SHANK2: variants seen among roughly 807,000 people sequenced by gnomAD.
SHANK2 encodes SH3 and multiple ankyrin repeat domains protein 2.
Under a neutral mutation model 133.7 loss-of-function variants are expected in SHANK2, and 43 were observed. The ratio of observed to expected loss-of-function variants is 0.32; its 90% CI spans 0.25 to 0.41. The LOEUF (loss-of-function observed/expected upper bound fraction) is 0.41, where lower values mean the gene tolerates loss of function less well. SHANK2 is among the 10% of genes least tolerant of loss of function. SHANK2 has a pLI of 1.00. For synonymous variants in SHANK2, 1,017 were observed against 952.8 expected, an observed-to-expected ratio of 1.07 and a Z score of -1.24; for missense variants, 1,994 against 2,235.8, an observed-to-expected ratio of 0.89 and a Z score of 2.18.
chr11:71,210,210 G>GTGTATATATATGTGTA (rs1491563939), intron 2 of SHANK2, among the ~76,000 whole-genome samples: 2 of 54,074 alleles, frequency 3.7e-5, no homozygotes, highest in Non-Finnish European at 6.4e-5. Context: ...AAATCCACAG[G>GTGTATATATATGTGTA]TATATATATA....
chr11:70,659,050 T>C (rs2061447300), intron 17 of SHANK2, among the ~76,000 whole-genome samples: 2 of 152,194 alleles, frequency 1.3e-5, no homozygotes, highest in South Asian at 4.1e-4. Flanking sequence ...GAGTCACATG[T>C]TCCTTTGCAT....
chr11:70,640,710 TCTCCCATTCTCTAGAACAGTCCCTCAAGG>T lies in SHANK2; in HGVS notation c.2061+19089_2061+19117del, dbSNP rs1265031727. 2.0e-5 allele frequency among the ~76,000 whole-genome samples: 3 copies of T among 152,314 alleles called. No homozygotes were observed. In the East Asian group the frequency reaches 5.8e-4, roughly 29 times the overall value. ...CATGCCCAGTCAGGATCCCTCCCTG[TCTCCCATTCTCTAGAACAGTCCCTCAAGG>T]CTGGGCTCTGGAATCCTCTGTAAGT... On this transcript the variant is annotated intron_variant, in intron 17 of 25. Transcript: ENST00000601538.
At chr11:70,666,541 G>A (rs1420949777) in intron 15 of SHANK2, among the ~76,000 whole-genome samples, 3 of 152,166 alleles carry the variant, frequency 2.0e-5, no homozygotes, top group African/African-American at 2.4e-5. Context: ...TCTGTGTGCT[G>A]CCCTAGAACT....
At position 70,898,155 on chromosome 11, in the gene SHANK2, A is replaced by G. The variant is rs149848313; in HGVS notation, c.1108-1588T>C. ...TTAAAAAAAAATTTTTTTTTTTGGT[A>G]GAGACAGGGTTTCACCATGTTGGCC... On this transcript the variant is annotated intron_variant, in intron 10 of 25. Transcript: ENST00000601538. 2.4e-3 allele frequency among the ~76,000 whole-genome samples: 366 copies of G among 151,086 alleles called. 1 individual carries two copies. The East Asian group carries it at 0.043, about 18-fold the overall frequency.
chr11:70,723,525 A>T (rs4980549), intron 14 of SHANK2, among the ~76,000 whole-genome samples: 65,981 of 152,002 alleles, frequency 0.43, 14,509 homozygotes, highest in African/African-American at 0.48. Flanking sequence ...GAACCTCCAG[A>T]TGAGAATGCA....
intron 17 of SHANK2, among the ~76,000 whole-genome samples, chr11:70,611,728 G>A (rs963845552): frequency 7.2e-5 from 11 of 152,188 alleles, no homozygotes; most frequent in Non-Finnish European, 1.5e-4. Flanking sequence ...TGGAGGTGTC[G>A]TCTGAGACTC....
intron 11 of SHANK2, among the ~76,000 whole-genome samples, chr11:70,857,227 C>T (rs1312815382): frequency 2.6e-5 from 4 of 152,128 alleles, no homozygotes; most frequent in Non-Finnish European, 4.4e-5. Flanking sequence ...GACAAGTAAG[C>T]GGGCCTCAGC....
intron 14 of SHANK2, among the ~76,000 whole-genome samples, chr11:70,700,096 T>A (rs1945485620): frequency 6.6e-6 from 1 of 152,122 alleles, no homozygotes; most frequent in Non-Finnish European, 1.5e-5. Context: ...CAGCCTCGGA[T>A]TAATTTGACA....
intron 2 of SHANK2, among the ~76,000 whole-genome samples, chr11:71,189,018 A>G (rs1555114929): frequency 6.6e-6 from 1 of 152,192 alleles, no homozygotes; most frequent in Admixed American, 6.5e-5. Context: ...GGTCACAGCA[A>G]CCACAGACGG....
chr11:70,875,924 A>G (rs959227493), intron 11 of SHANK2, among the ~76,000 whole-genome samples: 8 of 151,562 alleles, frequency 5.3e-5, no homozygotes, highest in African/African-American at 1.9e-4. Flanking sequence ...TGGGAGCCCG[A>G]GGTGGGCAGA....
chr11:70,646,006 G>A (rs113369952), intron 17 of SHANK2, among the ~76,000 whole-genome samples: 4,264 of 152,278 alleles, frequency 0.028, 97 homozygotes, highest in Non-Finnish European at 0.04. Context: ...ACTGCTGAGC[G>A]TGGAAGGGGA....
chr11:70,598,774 T>C (rs144964868), intron 17 of SHANK2, among the ~76,000 whole-genome samples: 29 of 152,318 alleles, frequency 1.9e-4, no homozygotes, highest in Non-Finnish European at 3.7e-4. Context: ...GAAACATCAA[T>C]TAATACAATT....
intron 14 of SHANK2, among the ~76,000 whole-genome samples, chr11:70,716,877 A>G (rs1555027397): frequency 6.9e-6 from 1 of 144,132 alleles, no homozygotes; most frequent in South Asian, 2.2e-4. Flanking sequence ...CTCACATCTC[A>G]CTGGACCGGG....
At chr11:70,938,269 C>A (rs769979253) in intron 10 of SHANK2, among the ~76,000 whole-genome samples, 3 of 152,118 alleles carry the variant, frequency 2.0e-5, no homozygotes, top group Non-Finnish European at 4.4e-5. Flanking sequence ...CTGGGCACAA[C>A]TTTAACCCCT....
chr11:70,784,343 G>GT (rs71049942), intron 14 of SHANK2, among the ~76,000 whole-genome samples: 18,256 of 42,392 alleles, frequency 0.43, 7,107 homozygotes, highest in Non-Finnish European at 0.62. Flanking sequence ...ACACCGGCTA[G>GT]TTTTTTTTTT....
intron 5 of SHANK2, among the ~76,000 whole-genome samples, chr11:71,110,975 C>T (rs1227611372): frequency 1.3e-5 from 2 of 152,222 alleles, no homozygotes; most frequent in African/African-American, 4.8e-5. Context: ...AGCTCCCTCG[C>T]CCCTTCCTCC....
chr11:70,540,519 A>G (rs2059606837), intron 17 of SHANK2, among the ~76,000 whole-genome samples: 1 of 151,430 alleles, frequency 6.6e-6, no homozygotes, highest in African/African-American at 2.4e-5. Context: ...CCTGACACAC[A>G]CACGATACCC....
chr11:70,617,367 G>A (rs562453101), intron 17 of SHANK2, among the ~76,000 whole-genome samples: 2 of 152,236 alleles, frequency 1.3e-5, no homozygotes, highest in East Asian at 1.9e-4. Flanking sequence ...CTTTAAAAAT[G>A]TAAAAATCTT....
chr11:70,702,822 G>A (rs890748380), intron 14 of SHANK2, among the ~76,000 whole-genome samples: 1 of 152,218 alleles, frequency 6.6e-6, no homozygotes, highest in Admixed American at 6.5e-5. Flanking sequence ...CCAAGGCCAG[G>A]CTGGCTCGAT....
Sources: gnomAD v4.1 joint callset for allele counts (sites outside exome capture counted in the v4.1 genomes callset) on GRCh38, gnomAD v4.1.1 for gene constraint, MANE v1.5 for transcripts, NCBI Gene and HGNC (gene_info 2026-07-23, HGNC 2026-07-21) for gene names.